The following DYNLL2 variants were observed in gnomAD, a reference collection of about 807,000 sequenced individuals.
DYNLL2 encodes the protein dynein light chain 2, cytoplasmic.
Under a neutral mutation model 9.7 loss-of-function variants are expected in DYNLL2, and 1 was observed. The ratio of observed to expected loss-of-function variants is 0.10; its 90% CI spans 0.04 to 0.49. The LOEUF is 0.49. DYNLL2 is among the 20% of genes least tolerant of loss of function. The probability of loss-of-function intolerance (pLI) is 0.95; values close to 1 mark genes in which losing one functional copy is unlikely to be tolerated. For synonymous variants in DYNLL2, 35 were observed against 40.5 expected (o/e 0.86, Z 0.52); for missense variants, 37 against 115.2 (o/e 0.32, Z 3.11).
chr17:58,088,640 T>C lies in DYNLL2; in HGVS notation c.133-502T>C, dbSNP rs1023943956. On this transcript the variant is annotated intron_variant, in intron 2 of 2. Transcript: ENST00000579991. ...CGGGAATGCCTTTAATGTTGTCTTATATAGTAGTGCCTCCTGGTACTCCCG... is the reference window on the plus strand; with the variant it reads ...CGGGAATGCCTTTAATGTTGTCTTACATAGTAGTGCCTCCTGGTACTCCCG... Among the ~76,000 whole-genome samples the C allele has an allele frequency of 5.3e-5, 8 of 152,356 alleles. No individual in the cohort carries two copies. In the East Asian group the frequency reaches 9.6e-4, roughly 18 times the overall value.
At position 58,090,679 on chromosome 17, in the gene DYNLL2, G is replaced by C. The variant is rs1024683513; in HGVS notation, c.*1400G>C. The C allele has an allele frequency of 1.3e-5, 2 of 152,116 alleles. No homozygotes were observed. The highest frequency in any genetic ancestry group is 4.9e-5 in the African/African-American group (2 of 41,190). The allele number at this position is 152,116 out of a possible 1,614,324, so 9.4% of individuals were successfully genotyped here. A position where few individuals can be genotyped will look rare whatever the true frequency, so the allele number is the denominator to read the frequency against. ...AGCCAGGACATAGGAGATGGAGCAGGGCTGTGAGAGGAGGAGATTCTGAGG... is the reference window on the plus strand; with the variant it reads ...AGCCAGGACATAGGAGATGGAGCAGCGCTGTGAGAGGAGGAGATTCTGAGG... On this transcript the variant is annotated 3_prime_UTR_variant, in exon 3 of 3. Transcript: ENST00000579991.
At chr17:58,084,530 C>T (rs2075751207) in intron 1 of DYNLL2, among the ~76,000 whole-genome samples, 1 of 152,066 alleles carries the variant, frequency 6.6e-6, no homozygotes, top group Non-Finnish European at 1.5e-5. Flanking sequence ...TGCTTTTTCC[C>T]AAGGAGGGAG....
chr17:58,087,009 C>T (rs2075762515), intron 1 of DYNLL2, 73 bp from the exon 2 acceptor site: 1 of 1,574,302 alleles, frequency 6.4e-7, no homozygotes, highest in Non-Finnish European at 8.7e-7. Flanking sequence ...GCACTGAGAC[C>T]CCACACCCAG....
In DYNLL2 at chr17:58,093,566, G is replaced by C. The variant is rs893972098; in HGVS notation, c.*4287G>C. ...AAGGCTTAACTGGGTTTGGCAGCAAGGGTCTCATGGATACTCTTTAAGATG... is the reference window on the plus strand; with the variant it reads ...AAGGCTTAACTGGGTTTGGCAGCAACGGTCTCATGGATACTCTTTAAGATG... On this transcript the variant is annotated 3_prime_UTR_variant, in exon 3 of 3. Coordinates refer to ENST00000579991, the MANE Select transcript of DYNLL2 (RefSeq NM_080677.3). The C allele has an allele frequency of 6.6e-6, 1 of 152,134 alleles. No homozygotes were observed. The highest frequency in any genetic ancestry group is 1.5e-5 in the Non-Finnish European group (1 of 68,028). 9.4% of individuals were successfully genotyped at this position (152,134 alleles called of 1,614,324 possible).
rs557738635 is a variant in DYNLL2, at chr17:58,090,244, G to A, written c.*965G>A. ...TATATGTGTGAATATGTGTGTATAT[G>A]TGTGTGTATGTGTGTGTGGGGTTTG... is the stretch of plus-strand genomic sequence containing the variant. On this transcript the variant is annotated 3_prime_UTR_variant, in exon 3 of 3. Transcript: ENST00000579991. 2 of 227,022 alleles carry A rather than the reference G, an allele frequency of 8.8e-6. No homozygotes were observed. The highest frequency in any genetic ancestry group is 8.5e-6 in the Non-Finnish European group (1 of 117,540). 14.1% of individuals were successfully genotyped at this position (227,022 alleles called of 1,614,324 possible).
In DYNLL2 at chr17:58,091,076, C is replaced by T. The variant is rs911948026; in HGVS notation, c.*1797C>T. 13 of 152,054 alleles carry T rather than the reference C, an allele frequency of 8.5e-5. No homozygotes were observed. Among genetic ancestry groups the T allele is most frequent in the African/African-American group, 2.4e-4 (10 of 41,352 alleles). The allele number at this position is 152,054 out of a possible 1,614,324, so 9.4% of individuals were successfully genotyped here. A position where few individuals can be genotyped will look rare whatever the true frequency, so the allele number is the denominator to read the frequency against. On this transcript the variant is annotated 3_prime_UTR_variant, in exon 3 of 3. Transcript: ENST00000579991. Reference sequence around the variant, plus strand: ...TTATGAATGTCCAAATCTGTGTTTCCCCCTGCCCTCCCAGACTGTGTGGCC... The same window carrying T: ...TTATGAATGTCCAAATCTGTGTTTCTCCCTGCCCTCCCAGACTGTGTGGCC...
At chr17:58,089,047 G>T in intron 2 of DYNLL2, 95 bp from the exon 3 acceptor site, 2 of 1,493,416 alleles carry the variant, frequency 1.3e-6, no homozygotes, top group South Asian at 2.3e-5. Context: ...AACCAAACGT[G>T]TCGGTGCTGG....
In DYNLL2 at chr17:58,083,447, C is replaced by G. The variant is rs1162410051; in HGVS notation, c.-246C>G. 10 of 72,988 alleles carry G rather than the reference C, an allele frequency of 1.4e-4. No homozygotes were observed. The highest frequency in any genetic ancestry group is 6.4e-4 in the East Asian group (1 of 1,560). 4.5% of individuals were successfully genotyped at this position (72,988 alleles called of 1,614,324 possible). On this transcript the variant is annotated 5_prime_UTR_variant, in exon 1 of 3. Transcript: ENST00000579991. ...GGCAGAGCGGAGCGGAGCTGTGAGG[C>G]GCCAGTGCGGAGCGGGCGGGCGGGC...
chr17:58,089,090 C>T lies in DYNLL2; in HGVS notation c.133-52C>T, dbSNP rs140644850. The T allele has an allele frequency of 1.3e-3, 2,086 of 1,607,664 alleles. 5 individuals carry two copies. The highest frequency in any genetic ancestry group is 1.7e-3 in the Non-Finnish European group (1,991 of 1,175,340). On this transcript the variant is annotated intron_variant, in intron 2 of 2. Transcript: ENST00000579991. ...GGGAGAGACTCCCATTCTGATTTCT[C>T]CTTCTCCAGCTACCCTAATTACCTT...
chr17:58,088,794 C>T (rs1485721509), intron 2 of DYNLL2, among the ~76,000 whole-genome samples: 1 of 152,144 alleles, frequency 6.6e-6, no homozygotes, highest in Non-Finnish European at 1.5e-5. Context: ...CTTTATTCCA[C>T]TGGCCTCTTG....
rs1366928966 is a variant in DYNLL2 at position 58,083,439 on chromosome 17, C to T, written c.-254C>T. 3.2e-5 allele frequency: 3 copies of T among 94,254 alleles called. No individual in the cohort carries two copies. The highest frequency in any genetic ancestry group is 7.2e-5 in the African/African-American group (2 of 27,742). The allele number at this position is 94,254 out of a possible 1,614,324, so 5.8% of individuals were successfully genotyped here. The stretch of plus-strand genomic sequence containing the variant: ...CGCTCAGCGGCAGAGCGGAGCGGAG[C>T]TGTGAGGCGCCAGTGCGGAGCGGGC... On this transcript the variant is annotated 5_prime_UTR_variant, in exon 1 of 3. Transcript: ENST00000579991.
intron 2 of DYNLL2, among the ~76,000 whole-genome samples, 188 bp from the exon 3 acceptor site, chr17:58,088,954 G>T (rs553123807): frequency 1.3e-5 from 2 of 152,126 alleles, no homozygotes; most frequent in Non-Finnish European, 2.9e-5. Flanking sequence ...ATTAATGAGG[G>T]GAAGAGTGTC....
intron 1 of DYNLL2, among the ~76,000 whole-genome samples, chr17:58,086,037 C>G (rs776793694): frequency 2.6e-5 from 4 of 152,268 alleles, no homozygotes; most frequent in Non-Finnish European, 5.9e-5. Context: ...GAACATTGTA[C>G]TGAGGAGAGT....
At chr17:58,087,032 A>G (rs2075762605) in intron 1 of DYNLL2, 50 bp from the exon 2 acceptor site, 41 of 1,600,506 alleles carry the variant, frequency 2.6e-5, no homozygotes, top group Non-Finnish European at 3.3e-5. Flanking sequence ...GCTAATGTTC[A>G]CTGCCCAGAG....
At chr17:58,085,329 A>C (rs1253064417) in intron 1 of DYNLL2, among the ~76,000 whole-genome samples, 1 of 152,022 alleles carries the variant, frequency 6.6e-6, no homozygotes, top group Non-Finnish European at 1.5e-5. Context: ...GGTGGTGGTG[A>C]GTTCTGTTTT....
In DYNLL2 at chr17:58,095,102, CTT is replaced by C. The variant is rs909596473; in HGVS notation, c.*5826_*5827del. 5 of 151,666 alleles carry C rather than the reference CTT, an allele frequency of 3.3e-5. No individual in the cohort carries two copies. The highest frequency in any genetic ancestry group is 1.2e-4 in the African/African-American group (5 of 41,206). 9.4% of individuals were successfully genotyped at this position (151,666 alleles called of 1,614,324 possible). On this transcript the variant is annotated 3_prime_UTR_variant, in exon 3 of 3. Transcript: ENST00000579991. ...TATGTTTTCAATTATCTTGGGGCAT[CTT>C]TTATTTTTAATGTCAGTTTTCTATT...
chr17:58,090,175 C>G lies in DYNLL2; in HGVS notation c.*896C>G. 2.8e-6 allele frequency: 1 copy of G among 352,946 alleles called. No individual in the cohort carries two copies. The allele number at this position is 352,946 out of a possible 1,614,324, so 21.9% of individuals were successfully genotyped here. On this transcript the variant is annotated 3_prime_UTR_variant, in exon 3 of 3. Coordinates refer to ENST00000579991, the MANE Select transcript of DYNLL2 (RefSeq NM_080677.3). ...GGTGACTGTAGTTCCTTAGTTAGGTCTTAGCAATCAAACCAAATTGATGTC... is the reference window on the plus strand; with the variant it reads ...GGTGACTGTAGTTCCTTAGTTAGGTGTTAGCAATCAAACCAAATTGATGTC...
At chr17:58,085,000 C>A (rs1355024640) in intron 1 of DYNLL2, among the ~76,000 whole-genome samples, 1 of 152,178 alleles carries the variant, frequency 6.6e-6, no homozygotes. Flanking sequence ...TCATTTCAAC[C>A]ATTAGTATTT....
rs1015036124 is a variant in DYNLL2 at position 58,091,238 on chromosome 17, G to A, written c.*1959G>A. Reference sequence around the variant, plus strand: ...TGATTGATGCACCTCTGCACTGTTTGGGTCTCTTTGGGGATGAGGGGTTGG... The same window carrying A: ...TGATTGATGCACCTCTGCACTGTTTAGGTCTCTTTGGGGATGAGGGGTTGG... On this transcript the variant is annotated 3_prime_UTR_variant, in exon 3 of 3. Transcript: ENST00000579991. The A allele has an allele frequency of 6.6e-6, 1 of 152,280 alleles. No homozygotes were observed. The highest frequency in any genetic ancestry group is 6.5e-5 in the Admixed American group (1 of 15,270). The allele number at this position is 152,280 out of a possible 1,614,324, so 9.4% of individuals were successfully genotyped here. A position where few individuals can be genotyped will look rare whatever the true frequency, so the allele number is the denominator to read the frequency against.
Sources: allele counts gnomAD v4.1 joint callset (sites outside exome capture counted in the v4.1 genomes callset), GRCh38; gene constraint gnomAD v4.1.1; transcripts MANE v1.5; gene names NCBI Gene and HGNC (gene_info 2026-07-23, HGNC 2026-07-21).